The following PDGFRA variants were observed in gnomAD, a reference collection of about 807,000 sequenced individuals.
The protein encoded by PDGFRA is platelet-derived growth factor receptor alpha.
PDGFRA carries 25 observed loss-of-function variants against 121.5 expected under a neutral mutation model. That is an observed-to-expected ratio of 0.21 (90% confidence interval 0.15 to 0.29). The LOEUF (loss-of-function observed/expected upper bound fraction) is 0.29. Ranked by LOEUF, PDGFRA falls within the 10% of genes least tolerant of loss-of-function variation. The probability of loss-of-function intolerance (pLI) is 1.00; values close to 1 mark genes in which losing one functional copy is unlikely to be tolerated. For synonymous variants in PDGFRA, 463 were observed against 494.8 expected, an observed-to-expected ratio of 0.94 and a Z score of 0.85; for missense variants, 1,008 against 1,345.1, an observed-to-expected ratio of 0.75 and a Z score of 3.92.
intron 1 of PDGFRA, among the ~76,000 whole-genome samples, chr4:54,236,757 C>G (rs760583299): frequency 6.6e-6 from 1 of 151,870 alleles, no homozygotes; most frequent in Non-Finnish European, 1.5e-5. Flanking sequence ...GAGCTGAGAT[C>G]ATGCCACTGC....
intron 1 of PDGFRA, 54 bp downstream of exon 1, chr4:54,229,469 C>G (rs111509514): frequency 2.5e-6 from 1 of 394,786 alleles, no homozygotes; most frequent in Non-Finnish European, 4.5e-6. Context: ...CCTGATCAGA[C>G]TCTGGGACTG....
intron 12 of PDGFRA, 200 bp from the exon 13 acceptor site, chr4:54,277,172 CCCTTGCAAGTGTTATT>C (rs1723778147): frequency 5.0e-6 from 3 of 594,276 alleles, no homozygotes; most frequent in Non-Finnish European, 9.2e-6. Flanking sequence ...TGTTTTCTTT[CCCTTGCAAGTGTTATT>C]CGACAAAAGC....
chr4:54,285,721 A>G (rs1724321491), intron 17 of PDGFRA, 120 bp from the exon 18 acceptor site: 1 of 1,099,368 alleles, frequency 9.1e-7, no homozygotes, highest in Non-Finnish European at 1.4e-6. Flanking sequence ...GGAGAAGGCC[A>G]GCCCTTTATA....
intron 21 of PDGFRA, among the ~76,000 whole-genome samples, chr4:54,289,964 A>G (rs1290087405): frequency 1.3e-5 from 2 of 152,340 alleles, no homozygotes; most frequent in South Asian, 2.1e-4. Context: ...GGCTTTGGGT[A>G]TTATCCACCC....
intron 16 of PDGFRA, among the ~76,000 whole-genome samples, chr4:54,284,377 C>T (rs995093486): frequency 1.3e-5 from 2 of 152,066 alleles, no homozygotes; most frequent in African/African-American, 4.8e-5. Flanking sequence ...GCTGTTTTTG[C>T]ATTGCTATAA....
At position 54,289,206 on chromosome 4, in the gene PDGFRA, CA is replaced by C. The variant is rs1276979275; in HGVS notation, c.2880+96del. ...TTCCGCAGTTCTAGAGGAGCATTTT[CA>C]AAAGAGGCAAAAGACTGTGTGATCC... On this transcript the variant is annotated intron_variant, in intron 21 of 22. Coordinates refer to ENST00000257290, the MANE Select transcript of PDGFRA (RefSeq NM_006206.6). The C allele has an allele frequency of 2.9e-5, 22 of 762,466 alleles. No homozygotes were observed. In the African/African-American group the frequency reaches 2.9e-4, roughly 10 times the overall value. The allele number at this position is 762,466 out of a possible 1,614,324, so 47.2% of individuals were successfully genotyped here.
intron 1 of PDGFRA, among the ~76,000 whole-genome samples, chr4:54,233,230 C>A (rs1391314022): frequency 1.3e-5 from 2 of 152,238 alleles, no homozygotes; most frequent in African/African-American, 4.8e-5. Context: ...CGCCGCCAAC[C>A]CCGGGACAAC....
intron 1 of PDGFRA, among the ~76,000 whole-genome samples, chr4:54,237,977 G>T (rs1349329703): frequency 2.0e-5 from 3 of 152,104 alleles, no homozygotes; most frequent in Non-Finnish European, 4.4e-5. Context: ...TGTGACTTTG[G>T]GTCATTTGCA....
chr4:54,270,673 G>T lies in PDGFRA; in HGVS notation c.1162G>T (p.Asp388Tyr). 6.2e-7 allele frequency: 1 copy of T among 1,612,588 alleles called. No individual in the cohort carries two copies. Among genetic ancestry groups the T allele is most frequent in the Non-Finnish European group, 8.5e-7 (1 of 1,178,718 alleles). Residue 388 changes from aspartate (D) to tyrosine (Y), a missense_variant, in exon 8 of 23, where the codon GAC (aspartate) becomes TAC (tyrosine). Asp to Tyr is a radical substitution (Grantham distance 160). Coordinates refer to ENST00000257290, the MANE Select transcript of PDGFRA (RefSeq NM_006206.6). The stretch of plus-strand genomic sequence containing the variant: ...AAAGCTGATCCGTGCTAAGGAAGAA[G>T]ACAGTGGCCATTATACTATTGTAGC... ...KLKLIRAKEE[D>Y]SGHYTIVAQN... is the part of the protein sequence containing the mutation.
chr4:54,280,724 G>A, intron 16 of PDGFRA: 1 of 340,856 alleles, frequency 2.9e-6, no homozygotes. Flanking sequence ...TAGTTTTAAA[G>A]AATTTTCTTG....
intron 5 of PDGFRA, 131 bp downstream of exon 5, chr4:54,265,180 A>G: frequency 1.2e-6 from 1 of 837,590 alleles, no homozygotes; most frequent in Admixed American, 1.9e-5. Flanking sequence ...CACCTCTGGG[A>G]TGAACACATT....
intron 5 of PDGFRA, 69 bp from the exon 6 acceptor site, chr4:54,267,220 A>C: frequency 7.1e-7 from 1 of 1,406,252 alleles, no homozygotes; most frequent in South Asian, 1.2e-5. Flanking sequence ...CAGAGTCCAT[A>C]GTTTATCTTA....
chr4:54,248,871 G>GA (rs575010626), intron 1 of PDGFRA, among the ~76,000 whole-genome samples: 3 of 151,712 alleles, frequency 2.0e-5, no homozygotes, highest in Non-Finnish European at 4.4e-5. Context: ...AAATTTACAG[G>GA]AAAAAAACAA....
intron 10 of PDGFRA, 28 bp downstream of exon 10, chr4:54,273,758 C>T (rs767729911): frequency 6.3e-7 from 1 of 1,592,294 alleles, no homozygotes; most frequent in South Asian, 1.1e-5. Context: ...CAGGACAACT[C>T]ATCAGCTGAG....
rs1723448817 is a variant in PDGFRA, at chr4:54,272,386, T to C, written c.1238-8T>C. 6 of 1,613,994 alleles carry C rather than the reference T, an allele frequency of 3.7e-6. No homozygotes were observed. The highest frequency in any genetic ancestry group is 5.1e-6 in the Non-Finnish European group (6 of 1,179,962). On this transcript the variant is annotated splice_region_variant and splice_polypyrimidine_tract_variant and intron_variant, in intron 8 of 22. Transcript: ENST00000257290. ...TATTCCATTCTGACTTCTTTCTGCC[T>C]CTTGCAGTTCCTTCATCCATTCTGG...
intron 18 of PDGFRA, 90 bp from the exon 19 acceptor site, chr4:54,287,336 TATTA>T: frequency 1.3e-6 from 1 of 771,526 alleles, no homozygotes; most frequent in Non-Finnish European, 2.4e-6. Flanking sequence ...TAGCACAAGT[TATTA>T]AGAGCCCAAG....
At chr4:54,270,880 A>G (rs1723312916) in intron 8 of PDGFRA, 132 bp downstream of exon 8, 5 of 693,140 alleles carry the variant, frequency 7.2e-6, no homozygotes, top group African/African-American at 5.3e-5. Flanking sequence ...CATATGTCAC[A>G]TATCGGGAAT....
intron 16 of PDGFRA, chr4:54,281,608 G>A: frequency 1.5e-6 from 2 of 1,355,086 alleles, no homozygotes; most frequent in Non-Finnish European, 1.9e-6. Context: ...GGCACGAGAT[G>A]TCAGAGGAAC....
At chr4:54,290,171 ACT>A in intron 21 of PDGFRA, 140 bp from the exon 22 acceptor site, 1 of 713,132 alleles carries the variant, frequency 1.4e-6, no homozygotes, top group East Asian at 2.7e-5. Context: ...AGTTGACATG[ACT>A]CTCCTTCAAC....
Sources: allele counts gnomAD v4.1 joint callset (sites outside exome capture counted in the v4.1 genomes callset), GRCh38; gene constraint gnomAD v4.1.1; transcripts MANE v1.5; gene names NCBI Gene and HGNC (gene_info 2026-07-23, HGNC 2026-07-21).